The following SLC4A4 variants were observed in gnomAD, a reference collection of about 807,000 sequenced individuals.
SLC4A4 encodes the protein electrogenic sodium bicarbonate cotransporter 1.
Under a neutral mutation model 111.5 loss-of-function variants are expected in SLC4A4, and 27 were observed. The observed-to-expected ratio is 0.24, with a 90% CI of 0.18 to 0.33. The LOEUF is 0.33. SLC4A4 is among the 10% of genes least tolerant of loss of function. SLC4A4 has a pLI of 1.00. For missense variants in SLC4A4, 909 were observed against 1,315.5 expected, an observed-to-expected ratio of 0.69 and a Z score of 4.78; for synonymous variants, 443 against 463.4, an observed-to-expected ratio of 0.96 and a Z score of 0.57.
At chr4:71,107,972 G>A (rs1742990945) in intron 2 of SLC4A4, among the ~76,000 whole-genome samples, 1 of 151,854 alleles carries the variant, frequency 6.6e-6, no homozygotes, top group Non-Finnish European at 1.5e-5. Context: ...GTTACCATGG[G>A]TGTTACATTT....
chr4:71,442,119 G>A (rs1724781019), intron 8 of SLC4A4, among the ~76,000 whole-genome samples: 1 of 152,132 alleles, frequency 6.6e-6, no homozygotes, highest in Non-Finnish European at 1.5e-5. Flanking sequence ...AATTGCTCTT[G>A]GCTTTTCATT....
intron 3 of SLC4A4, among the ~76,000 whole-genome samples, chr4:71,315,735 T>C (rs1726626539): frequency 6.6e-6 from 1 of 152,186 alleles, no homozygotes; most frequent in Non-Finnish European, 1.5e-5. Context: ...ACAGAGATAT[T>C]TTGAGGCTGG....
rs1429793687 is a variant in SLC4A4, at chr4:71,492,883, C to T, written c.1975-4618C>T. The stretch of plus-strand genomic sequence containing the variant: ...TGAAGATGATTATTCCCTCTTCTGA[C>T]CATCTGATCTTCATACCACTCATTT... On this transcript the variant is annotated intron_variant, in intron 15 of 25. Coordinates refer to ENST00000264485, the MANE Select transcript of SLC4A4 (RefSeq NM_001098484.3). Among the ~76,000 whole-genome samples, 3 of 151,942 alleles carry T rather than the reference C, an allele frequency of 2.0e-5. No homozygotes were observed. The East Asian group carries it at 5.8e-4, about 29-fold the overall frequency.
At chr4:71,087,645 C>A (rs1381690298) in intron 1 of SLC4A4, among the ~76,000 whole-genome samples, 3 of 151,974 alleles carry the variant, frequency 2.0e-5, no homozygotes, top group Non-Finnish European at 4.4e-5. Context: ...TTTATTTCTG[C>A]CTTCATTTTG....
rs78376832 is a variant in SLC4A4, at chr4:71,466,195, A to G, written c.1498-249A>G. Reference sequence around the variant, plus strand: ...TTTTGCCTTCTACACACCAGCCATCATAGTAATTATAGTGCTTTAGAGCAG... The same window carrying G: ...TTTTGCCTTCTACACACCAGCCATCGTAGTAATTATAGTGCTTTAGAGCAG... On this transcript the variant is annotated intron_variant, in intron 12 of 25. Coordinates refer to ENST00000264485, the MANE Select transcript of SLC4A4 (RefSeq NM_001098484.3). 2.3e-3 allele frequency among the ~76,000 whole-genome samples: 353 copies of G among 152,254 alleles called. 1 individual carries two copies. The highest frequency in any genetic ancestry group is 4.0e-3 in the Admixed American group (61 of 15,294).
chr4:71,209,150 T>C (rs1191405081), intron 1 of SLC4A4, among the ~76,000 whole-genome samples: 1 of 152,222 alleles, frequency 6.6e-6, no homozygotes, highest in Non-Finnish European at 1.5e-5. Context: ...GGCACATATT[T>C]TTTCCCCCCA....
At chr4:71,496,671 A>G (rs1730438324) in intron 15 of SLC4A4, among the ~76,000 whole-genome samples, 1 of 151,984 alleles carries the variant, frequency 6.6e-6, no homozygotes, top group Admixed American at 6.6e-5. Context: ...CCTATCTACT[A>G]TGCTAGCAAA....
At chr4:71,314,368 A>G (rs1398714890) in intron 3 of SLC4A4, among the ~76,000 whole-genome samples, 2 of 152,196 alleles carry the variant, frequency 1.3e-5, no homozygotes, top group Non-Finnish European at 2.9e-5. Context: ...GCGATTCCTC[A>G]AGGATCTAGA....
intron 25 of SLC4A4, among the ~76,000 whole-genome samples, 198 bp from the exon 26 acceptor site, chr4:71,567,589 AT>A (rs964519260): frequency 6.6e-6 from 1 of 151,554 alleles, no homozygotes; most frequent in African/African-American, 2.4e-5. Context: ...GATCTTATGA[AT>A]TTTTTTACTT....
intron 2 of SLC4A4, among the ~76,000 whole-genome samples, chr4:71,109,983 G>GCTATT (rs1743044919): frequency 6.6e-6 from 1 of 152,182 alleles, no homozygotes; most frequent in Non-Finnish European, 1.5e-5. Flanking sequence ...AGGATGGGTA[G>GCTATT]CTATTGCTGA....
chr4:71,556,484 T>C (rs996481004), intron 21 of SLC4A4, among the ~76,000 whole-genome samples: 4 of 152,012 alleles, frequency 2.6e-5, no homozygotes, highest in African/African-American at 7.2e-5. Context: ...TTAGGGGCTT[T>C]ATTGGTTGAA....
intron 2 of SLC4A4, among the ~76,000 whole-genome samples, chr4:71,240,949 G>A (rs1003468356): frequency 2.6e-5 from 4 of 151,662 alleles, no homozygotes; most frequent in Non-Finnish European, 5.9e-5. Flanking sequence ...AAAACCCCAT[G>A]TCTACAGAGA....
intron 3 of SLC4A4, among the ~76,000 whole-genome samples, chr4:71,271,249 A>G (rs1722684797): frequency 6.6e-6 from 1 of 152,250 alleles, no homozygotes; most frequent in Non-Finnish European, 1.5e-5. Context: ...AGAGGTTATT[A>G]TTTCTGCTTT....
At position 71,120,429 on chromosome 4, in the gene SLC4A4, C is replaced by T. The variant is rs558545372; in HGVS notation, c.-2+27637C>T. 2.8e-4 allele frequency among the ~76,000 whole-genome samples: 42 copies of T among 152,268 alleles called. No homozygotes were observed. In the South Asian group the frequency reaches 6.8e-3, roughly 25 times the overall value. ...GAATCTCCACAGTGTGTGGGCCTTG[C>T]GCTTTGATTTTATTCTCCTGGGCTG... On this transcript the variant is annotated intron_variant, in intron 2 of 26. Coordinates refer to the SLC4A4 transcript ENST00000649996.
chr4:71,150,717 T>C (rs142375683), intron 2 of SLC4A4, among the ~76,000 whole-genome samples: 1 of 152,294 alleles, frequency 6.6e-6, no homozygotes, highest in Non-Finnish European at 1.5e-5. Flanking sequence ...GTGAGAGCGC[T>C]TGGGATTTGT....
intron 16 of SLC4A4, among the ~76,000 whole-genome samples, chr4:71,529,134 T>G (rs1733700159): frequency 6.6e-6 from 1 of 152,018 alleles, no homozygotes; most frequent in South Asian, 2.1e-4. Flanking sequence ...AGCAACACCA[T>G]TAAAAGAAAT....
At chr4:71,397,020 A>G (rs949844571) in intron 6 of SLC4A4, among the ~76,000 whole-genome samples, 4 of 152,230 alleles carry the variant, frequency 2.6e-5, no homozygotes, top group African/African-American at 9.6e-5. Context: ...TCAGATGCCC[A>G]CTAATGAGAA....
intron 6 of SLC4A4, among the ~76,000 whole-genome samples, chr4:71,363,266 A>T (rs1321271968): frequency 6.6e-6 from 1 of 152,192 alleles, no homozygotes; most frequent in Admixed American, 6.5e-5. Flanking sequence ...AATATAAGTG[A>T]TATTAGTTGG....
At chr4:71,380,898 A>G (rs1484359759) in intron 6 of SLC4A4, among the ~76,000 whole-genome samples, 1 of 152,130 alleles carries the variant, frequency 6.6e-6, no homozygotes, top group Non-Finnish European at 1.5e-5. Context: ...ATGAGTCAGT[A>G]TTTTACTGTT....
Sources: gnomAD v4.1 joint callset for allele counts (sites outside exome capture counted in the v4.1 genomes callset) on GRCh38, gnomAD v4.1.1 for gene constraint, MANE v1.5 for transcripts, NCBI Gene and HGNC (gene_info 2026-07-23, HGNC 2026-07-21) for gene names.